Variants in JAKMIP1 observed in about 807,000 individuals in gnomAD.
The protein encoded by JAKMIP1 is janus kinase and microtubule interacting protein 1.
A neutral mutation model predicts 113.0 loss-of-function variants in JAKMIP1; 33 were observed. That is an observed-to-expected ratio of 0.29 (90% CI 0.22 to 0.39). The LOEUF (loss-of-function observed/expected upper bound fraction) is 0.39. Ranked by LOEUF, JAKMIP1 falls within the 10% of genes least tolerant of loss-of-function variation. The pLI, the probability that JAKMIP1 is intolerant of heterozygous loss-of-function variation, is 1.00. For missense variants in JAKMIP1, 813 were observed against 1,080.5 expected (o/e 0.75, Z 3.47); for synonymous variants, 480 against 459.9 (o/e 1.04, Z -0.56).
chr4:6,144,916 A>C (rs1720647110), intron 1 of JAKMIP1, among the ~76,000 whole-genome samples: 1 of 152,248 alleles, frequency 6.6e-6, no homozygotes, highest in African/African-American at 2.4e-5. Flanking sequence ...AGGCACCCAG[A>C]TCAGAAAAGA....
At chr4:6,070,166 G>A (rs970657827) in intron 8 of JAKMIP1, 1 of 398,720 alleles carries the variant, frequency 2.5e-6, no homozygotes, top group East Asian at 3.6e-5. Flanking sequence ...ATTCCATGGT[G>A]GCGTGAAGCT....
chr4:6,164,628 A>G (rs4689352), intron 1 of JAKMIP1, among the ~76,000 whole-genome samples: 10,380 of 152,250 alleles, frequency 0.068, 840 homozygotes, highest in African/African-American at 0.2. Context: ...CTCCTGGAAA[A>G]GATTCATCAT....
chr4:6,152,632 G>A (rs1721708985), intron 1 of JAKMIP1, among the ~76,000 whole-genome samples: 1 of 151,988 alleles, frequency 6.6e-6, no homozygotes, highest in Non-Finnish European at 1.5e-5. Flanking sequence ...GCAGATCTTT[G>A]CAATATTCTC....
At chr4:6,103,231 T>C (rs1189571544) in intron 3 of JAKMIP1, among the ~76,000 whole-genome samples, 1 of 152,194 alleles carries the variant, frequency 6.6e-6, no homozygotes. Flanking sequence ...AGTTGAATTT[T>C]ACCAACAGAT....
intron 1 of JAKMIP1, among the ~76,000 whole-genome samples, chr4:6,144,326 T>C (rs1175481744): frequency 6.6e-6 from 1 of 152,190 alleles, no homozygotes; most frequent in Non-Finnish European, 1.5e-5. Context: ...TGAAGAAGAA[T>C]GAATATCTAA....
chr4:6,086,108 C>A lies in JAKMIP1; in HGVS notation c.625-479G>T, dbSNP rs1040792487. Among the ~76,000 whole-genome samples the A allele has an allele frequency of 1.3e-5, 2 of 152,050 alleles. No individual in the cohort carries two copies. Among genetic ancestry groups the A allele is most frequent in the African/African-American group, 4.8e-5 (2 of 41,390 alleles). On this transcript the variant is annotated intron_variant, in intron 3 of 20. Transcript: ENST00000409021. This position sits in a 1 kb window ranked among gnomAD's most constrained non-coding sequence, Gnocchi z 4.1. ...AGGTCACCAGTGCTCTCCTGGCCAC[C>A]GAACCCACCGGACAACGTTGTCCTC...
At chr4:6,084,807 C>A (rs752034364) in intron 5 of JAKMIP1, 39 bp downstream of exon 5, 1 of 1,590,190 alleles carries the variant, frequency 6.3e-7, no homozygotes, top group South Asian at 1.2e-5. Flanking sequence ...CCCTTCCTTG[C>A]ACCCTATGAG....
chr4:6,139,010 A>G lies in JAKMIP1; in HGVS notation c.-147-26013T>C, dbSNP rs4512066. ...ACCCCACCCTGTCTGTTCATCCTCCATGGCCTTAGTCAAGCTGTTATTGTT... is the reference window on the plus strand; with the variant it reads ...ACCCCACCCTGTCTGTTCATCCTCCGTGGCCTTAGTCAAGCTGTTATTGTT... On this transcript the variant is annotated intron_variant, in intron 1 of 20. Coordinates refer to ENST00000409021, the MANE Select transcript of JAKMIP1 (RefSeq NM_001099433.2). The surrounding 1 kb of genome is among the most constrained non-coding windows in gnomAD (Gnocchi z 5.2). Among the ~76,000 whole-genome samples the G allele has an allele frequency of 0.53, 79,934 of 151,358 alleles. 21,826 individuals are homozygous for G. The highest frequency in any genetic ancestry group is 0.62 in the Admixed American group (9,407 of 15,220).
At chr4:6,177,316 G>C (rs2109033697) in intron 1 of JAKMIP1, among the ~76,000 whole-genome samples, 1 of 152,298 alleles carries the variant, frequency 6.6e-6, no homozygotes, top group Non-Finnish European at 1.5e-5. Context: ...GGAGGGTGGG[G>C]CTAATCCAAA....
chr4:6,131,248 GAGA>G (rs754402362), intron 1 of JAKMIP1, among the ~76,000 whole-genome samples: 9 of 146,832 alleles, frequency 6.1e-5, no homozygotes, highest in Non-Finnish European at 9.0e-5. Context: ...GGATGAGAAA[GAGA>G]AGAAGAAATT....
At position 6,054,152 on chromosome 4, in the gene JAKMIP1, G is replaced by A. The variant is rs200225915; in HGVS notation, c.1708-4C>T. 6.2e-6 allele frequency: 10 copies of A among 1,614,056 alleles called. No homozygotes were observed. In the Admixed American group the frequency reaches 1.2e-4, roughly 19 times the overall value. The stretch of plus-strand genomic sequence containing the variant: ...CTTCCATTTCCAGTCTGTAAATCTA[G>A]AGCAAAGATACCTGCGGATTAACAG... On this transcript the variant is annotated splice_region_variant and splice_polypyrimidine_tract_variant and intron_variant, in intron 12 of 20. Coordinates refer to ENST00000409021, the MANE Select transcript of JAKMIP1 (RefSeq NM_001099433.2).
intron 18 of JAKMIP1, among the ~76,000 whole-genome samples, chr4:6,037,515 C>A (rs1713664038): frequency 1.4e-5 from 2 of 144,046 alleles, no homozygotes; most frequent in African/African-American, 5.4e-5. Flanking sequence ...AGAGGTTAAC[C>A]CAGTAGCCCT....
At chr4:6,130,739 A>T (rs914387345) in intron 1 of JAKMIP1, among the ~76,000 whole-genome samples, 3 of 152,244 alleles carry the variant, frequency 2.0e-5, no homozygotes, top group Non-Finnish European at 4.4e-5. Flanking sequence ...AACAGAAATG[A>T]AGAATGCCTT....
At position 6,031,563 on chromosome 4, in the gene JAKMIP1, A is replaced by G. The variant is rs1712664505; in HGVS notation, c.2380-1782T>C. ...GGAACGGCATGTGCAGGAGGCCAAG[A>G]GGCCTTTGGTGGGGGGTCGGGGACA... On this transcript the variant is annotated intron_variant, in intron 19 of 20. Transcript: ENST00000409021. This position sits in a 1 kb window ranked among gnomAD's most constrained non-coding sequence, Gnocchi z 4.4. 6.6e-6 allele frequency among the ~76,000 whole-genome samples: 1 copy of G among 152,066 alleles called. No homozygotes were observed. The highest frequency in any genetic ancestry group is 2.4e-5 in the African/African-American group (1 of 41,394).
At position 6,093,558 on chromosome 4, in the gene JAKMIP1, G is replaced by A. The variant is rs1480496182; in HGVS notation, c.625-7929C>T. 6.6e-6 allele frequency among the ~76,000 whole-genome samples: 1 copy of A among 152,102 alleles called. No individual in the cohort carries two copies. The highest frequency in any genetic ancestry group is 1.5e-5 in the Non-Finnish European group (1 of 68,032). ...CCAAGGCTGATAACCAACCCAACGAGATGTCCCAAAAAGACAGCTTCAGAA... is the reference window on the plus strand; with the variant it reads ...CCAAGGCTGATAACCAACCCAACGAAATGTCCCAAAAAGACAGCTTCAGAA... On this transcript the variant is annotated intron_variant, in intron 3 of 20. Transcript: ENST00000409021. This position sits in a 1 kb window ranked among gnomAD's most constrained non-coding sequence, Gnocchi z 4.6.
Position 6,140,533 on chromosome 4 carries a change from T to C in JAKMIP1, c.-147-27536A>G, listed in dbSNP as rs1022226808. On this transcript the variant is annotated intron_variant, in intron 1 of 20. Transcript: ENST00000409021. The surrounding 1 kb of genome is among the most constrained non-coding windows in gnomAD (Gnocchi z 9.4). ...CCTTCCAATAATGTGGCTCGGGTCTTTCTGCAGGGTCAGAGGGAAGTCGGC... is the reference window on the plus strand; with the variant it reads ...CCTTCCAATAATGTGGCTCGGGTCTCTCTGCAGGGTCAGAGGGAAGTCGGC... Among the ~76,000 whole-genome samples the C allele has an allele frequency of 6.6e-6, 1 of 152,126 alleles. No individual in the cohort carries two copies. Among genetic ancestry groups the C allele is most frequent in the African/African-American group, 2.4e-5 (1 of 41,378 alleles).
intron 4 of JAKMIP1, 51 bp downstream of exon 4, chr4:6,085,369 C>A (rs756628142): frequency 1.9e-6 from 3 of 1,566,690 alleles, no homozygotes; most frequent in East Asian, 4.5e-5. Flanking sequence ...AAAATGCCAC[C>A]TAAATGGGTG....
At chr4:6,170,283 C>A (rs1167970782) in intron 1 of JAKMIP1, among the ~76,000 whole-genome samples, 1 of 147,412 alleles carries the variant, frequency 6.8e-6, no homozygotes, top group South Asian at 2.2e-4. Context: ...ACCATCACCA[C>A]CACCATCACT....
In JAKMIP1 at chr4:6,088,851, C is replaced by T. The variant is rs987174458; in HGVS notation, c.625-3222G>A. On this transcript the variant is annotated intron_variant, in intron 3 of 20. Transcript: ENST00000409021. This position sits in a 1 kb window ranked among gnomAD's most constrained non-coding sequence, Gnocchi z 5.5. ...ATGGAACATCCCTCAGCTTCCTTCC[C>T]GCATCCATTTCCCCTTCTCCCATAC... 6.6e-6 allele frequency among the ~76,000 whole-genome samples: 1 copy of T among 152,140 alleles called. No individual in the cohort carries two copies. The highest frequency in any genetic ancestry group is 2.4e-5 in the African/African-American group (1 of 41,418).
Sources: gnomAD v4.1 joint callset for allele counts (sites outside exome capture counted in the v4.1 genomes callset) on GRCh38, gnomAD v4.1.1 for gene constraint, Gnocchi (gnomAD v3.1) non-coding constraint, MANE v1.5 for transcripts, NCBI Gene and HGNC (gene_info 2026-07-23, HGNC 2026-07-21) for gene names.